ZBTB7C: variants seen among roughly 807,000 people sequenced by gnomAD.
The protein encoded by ZBTB7C is zinc finger and BTB domain-containing protein 7C.
Under a neutral mutation model 25.7 loss-of-function variants are expected in ZBTB7C, and 8 were observed. That is an observed-to-expected ratio of 0.31 (90% CI 0.18 to 0.56). The LOEUF (loss-of-function observed/expected upper bound fraction) is 0.56, where lower values mean the gene tolerates loss of function less well. Among genes scored for constraint, ZBTB7C ranks in the 20% least tolerant of loss-of-function variants. ZBTB7C has a pLI of 0.91. For synonymous variants in ZBTB7C, 394 were observed against 369.0 expected, an observed-to-expected ratio of 1.07 and a Z score of -0.78; for missense variants, 824 against 855.2, an observed-to-expected ratio of 0.96 and a Z score of 0.46.
At chr18:48,397,534 G>T (rs1033150758) in intron 1 of ZBTB7C, among the ~76,000 whole-genome samples, 1 of 152,108 alleles carries the variant, frequency 6.6e-6, no homozygotes, top group African/African-American at 2.4e-5. Context: ...TTCATCATCT[G>T]CTCATTTGGA....
At chr18:48,246,392 T>C (rs2043694314) in intron 2 of ZBTB7C, among the ~76,000 whole-genome samples, 1 of 151,314 alleles carries the variant, frequency 6.6e-6, no homozygotes, top group African/African-American at 2.4e-5. Context: ...ATCACACCAC[T>C]GCACTCCAGC....
chr18:48,389,423 T>A (rs2047844416), intron 1 of ZBTB7C, among the ~76,000 whole-genome samples: 2 of 147,720 alleles, frequency 1.4e-5, no homozygotes, highest in Admixed American at 1.3e-4. Flanking sequence ...TCCTAATGTG[T>A]GACCCAGAGT....
At chr18:48,399,905 C>T (rs1354908777) in intron 1 of ZBTB7C, among the ~76,000 whole-genome samples, 3 of 152,110 alleles carry the variant, frequency 2.0e-5, no homozygotes, top group African/African-American at 7.2e-5. Flanking sequence ...CTTTTTCCTC[C>T]CTCTTCCCAC....
intron 2 of ZBTB7C, among the ~76,000 whole-genome samples, chr18:48,227,745 T>C (rs1023549177): frequency 6.6e-6 from 1 of 152,218 alleles, no homozygotes; most frequent in Non-Finnish European, 1.5e-5. Context: ...AGTCTTTGCC[T>C]TCTAGCAACG....
intron 4 of ZBTB7C, among the ~76,000 whole-genome samples, chr18:48,030,700 C>T (rs1209249921): frequency 6.6e-6 from 1 of 152,248 alleles, no homozygotes; most frequent in African/African-American, 2.4e-5. Flanking sequence ...CACCAACTTG[C>T]TGGTGACTTC....
chr18:48,048,590 G>A (rs961253596), intron 3 of ZBTB7C, among the ~76,000 whole-genome samples: 3 of 152,178 alleles, frequency 2.0e-5, no homozygotes, highest in African/African-American at 7.2e-5. Context: ...GATCAAATGA[G>A]GTAATGCACA....
chr18:48,207,186 C>A (rs2042595009), intron 2 of ZBTB7C, among the ~76,000 whole-genome samples: 1 of 152,184 alleles, frequency 6.6e-6, no homozygotes, highest in South Asian at 2.1e-4. Flanking sequence ...GGATGTGTAA[C>A]AACTGGGCTC....
At chr18:48,110,479 T>C (rs1408112262) in intron 3 of ZBTB7C, among the ~76,000 whole-genome samples, 2 of 152,204 alleles carry the variant, frequency 1.3e-5, no homozygotes, top group African/African-American at 4.8e-5. Context: ...ATGAGGCTGA[T>C]AATAAGGCAA....
At chr18:48,275,009 C>T (rs2044604490) in intron 2 of ZBTB7C, among the ~76,000 whole-genome samples, 1 of 152,218 alleles carries the variant, frequency 6.6e-6, no homozygotes, top group Non-Finnish European at 1.5e-5. Context: ...ACTCTGGGGG[C>T]TTCGTCATCT....
intron 1 of ZBTB7C, among the ~76,000 whole-genome samples, chr18:48,399,559 G>A (rs1012534002): frequency 6.6e-6 from 1 of 152,174 alleles, no homozygotes; most frequent in Admixed American, 6.5e-5. Context: ...GCTGGCTCTG[G>A]CCCTGGGCTC....
chr18:48,406,846 T>C (rs1191044972), intron 1 of ZBTB7C, among the ~76,000 whole-genome samples: 1 of 152,234 alleles, frequency 6.6e-6, no homozygotes, highest in Admixed American at 6.5e-5. Flanking sequence ...CATTATAGAC[T>C]GAAATCTAGC....
At chr18:48,302,695 T>TG (rs113872933) in intron 2 of ZBTB7C, among the ~76,000 whole-genome samples, 26,868 of 152,144 alleles carry the variant, frequency 0.18, 2,460 homozygotes, top group African/African-American at 0.2. Flanking sequence ...ACTTCTCATG[T>TG]GGTTCTCACA....
intron 1 of ZBTB7C, among the ~76,000 whole-genome samples, chr18:48,406,205 G>T (rs2048277905): frequency 6.6e-6 from 1 of 152,102 alleles, no homozygotes; most frequent in African/African-American, 2.4e-5. Context: ...GCTATGAGAG[G>T]GAGGACAACT....
Position 48,028,249 on chromosome 18 carries a change from G to A in ZBTB7C, c.*1011C>T, listed in dbSNP as rs1000768735. 15 of 152,418 alleles carry A rather than the reference G, an allele frequency of 9.8e-5. No individual in the cohort carries two copies. The highest frequency in any genetic ancestry group is 3.6e-4 in the African/African-American group (15 of 41,568). 9.4% of individuals were successfully genotyped at this position (152,418 alleles called of 1,614,324 possible). On this transcript the variant is annotated 3_prime_UTR_variant, in exon 5 of 5. Transcript: ENST00000590800. ...CCTGAGAGCCCCAAGACACTGCACA[G>A]CCTTGGAGGGGGCACTGGAGATGGG...
rs531847323 is a variant in ZBTB7C, at chr18:48,044,252, C to T, written c.-16-3129G>A. Among the ~76,000 whole-genome samples, 3 of 152,376 alleles carry T rather than the reference C, an allele frequency of 2.0e-5. No homozygotes were observed. The South Asian group carries it at 6.2e-4, about 32-fold the overall frequency. On this transcript the variant is annotated intron_variant, in intron 3 of 4. Transcript: ENST00000590800. ...AGTTGATGGACACCCCTCCATCTCT[C>T]TGACCAGGGAAGGTGTCCCCAGGCT...
intron 3 of ZBTB7C, among the ~76,000 whole-genome samples, chr18:48,180,019 CCTTCCTTCCTTCCTTCCCTG>C (rs1209427142): frequency 1.4e-5 from 2 of 145,370 alleles, no homozygotes; most frequent in East Asian, 4.3e-4. Flanking sequence ...ATTTCCCCTT[CCTTCCTTCCTTCCTTCCCTG>C]CTTCCTTCCT....
At chr18:48,245,301 A>G (rs182500806) in intron 2 of ZBTB7C, among the ~76,000 whole-genome samples, 1 of 151,606 alleles carries the variant, frequency 6.6e-6, no homozygotes, top group Non-Finnish European at 1.5e-5. Flanking sequence ...AGAATGATAC[A>G]ATGGACTCTG....
chr18:48,202,947 C>CTA (rs985749592), intron 2 of ZBTB7C, among the ~76,000 whole-genome samples: 2 of 151,990 alleles, frequency 1.3e-5, no homozygotes, highest in Admixed American at 6.6e-5. Flanking sequence ...TCCTACCTCC[C>CTA]CACCTACGCC....
intron 2 of ZBTB7C, among the ~76,000 whole-genome samples, chr18:48,291,562 G>A (rs1328592126): frequency 6.6e-6 from 1 of 152,186 alleles, no homozygotes; most frequent in South Asian, 2.1e-4. Flanking sequence ...GGGACAGGCA[G>A]CCCAGGACTC....
Sources: gnomAD v4.1 joint callset for allele counts (sites outside exome capture counted in the v4.1 genomes callset) on GRCh38, gnomAD v4.1.1 for gene constraint, MANE v1.5 for transcripts, NCBI Gene and HGNC (gene_info 2026-07-23, HGNC 2026-07-21) for gene names.